The following GNAS variants were observed in gnomAD, a reference collection of about 807,000 sequenced individuals.
GNAS encodes the protein GNAS complex locus.
Under a neutral mutation model 54.5 loss-of-function variants are expected in GNAS, and 8 were observed. That is an observed-to-expected ratio of 0.15 (90% CI 0.09 to 0.26). The LOEUF is 0.26. Ranked by LOEUF, GNAS falls within the 10% of genes least tolerant of loss-of-function variation. The pLI, the probability that GNAS is intolerant of heterozygous loss-of-function variation, is 1.00. For missense variants in GNAS, 170 were observed against 529.8 expected (o/e 0.32, Z 6.67); for synonymous variants, 204 against 191.4 (o/e 1.07, Z -0.54).
intron 1 of GNAS, 124 bp from the exon 2 acceptor site, chr20:58,895,486 CTG>C (rs1568992060): frequency 5.6e-6 from 4 of 716,584 alleles, no homozygotes; most frequent in Non-Finnish European, 5.2e-6. Flanking sequence ...AGTTGCAAGT[CTG>C]TGATTTTGTG....
At chr20:58,844,112 T>C (rs2085848813) in intron 1 of GNAS, 2 of 152,194 alleles carry the variant, frequency 1.3e-5, no homozygotes, top group East Asian at 1.9e-4. Context: ...ATAATCTACA[T>C]GGATTTACCT....
At chr20:58,852,443 G>A (rs553947463) in intron 1 of GNAS, among the ~76,000 whole-genome samples, 3 of 152,334 alleles carry the variant, frequency 2.0e-5, no homozygotes, top group Admixed American at 2.0e-4. Flanking sequence ...CCCTACGCGT[G>A]CCTGCGCCCC....
At chr20:58,868,133 G>A (rs1164996163) in intron 1 of GNAS, among the ~76,000 whole-genome samples, 1 of 150,836 alleles carries the variant, frequency 6.6e-6, no homozygotes, top group Non-Finnish European at 1.5e-5. Context: ...CAATTCTCCT[G>A]CCTCAGCTTC....
intron 2 of GNAS, chr20:58,898,037 G>A (rs1363084241): frequency 1.3e-5 from 2 of 152,168 alleles, no homozygotes; most frequent in African/African-American, 4.8e-5. Flanking sequence ...AGATAATACT[G>A]ATTTGACCTT....
At chr20:58,876,618 A>G (rs1464201088) in intron 1 of GNAS, 1 of 152,188 alleles carries the variant, frequency 6.6e-6, no homozygotes, top group East Asian at 1.9e-4. Flanking sequence ...TTTATTTCAG[A>G]CACACAAGCA....
intron 2 of GNAS, among the ~76,000 whole-genome samples, chr20:58,897,120 A>AGG (rs889264224): frequency 7.9e-5 from 12 of 152,246 alleles, no homozygotes; most frequent in Non-Finnish European, 7.3e-5. Flanking sequence ...TGGGATGCAC[A>AGG]GGGGGCTTCT....
chr20:58,858,633 T>C (rs1458940844), intron 1 of GNAS, among the ~76,000 whole-genome samples: 1 of 152,220 alleles, frequency 6.6e-6, no homozygotes, highest in Non-Finnish European at 1.5e-5. Flanking sequence ...TTTATTAAAA[T>C]TGTGTAGGCA....
At chr20:58,901,691 G>A (rs191370168) in intron 3 of GNAS, among the ~76,000 whole-genome samples, 326 of 152,214 alleles carry the variant, frequency 2.1e-3, no homozygotes, top group African/African-American at 7.5e-3. Flanking sequence ...GGGGCGAGAT[G>A]GGATCCTTCA....
intron 3 of GNAS, chr20:58,899,458 G>C (rs764163949): frequency 1.9e-6 from 1 of 536,702 alleles, no homozygotes; most frequent in African/African-American, 1.9e-5. Flanking sequence ...TTTGAAAAAC[G>C]CCTTGGTACC....
intron 1 of GNAS, chr20:58,842,155 C>T (rs2085760780): frequency 2.5e-6 from 1 of 398,710 alleles, no homozygotes; most frequent in Non-Finnish European, 4.4e-6. Context: ...TGACCCAGCA[C>T]AAAAACGGCA....
At chr20:58,864,616 A>G (rs892611227) in intron 1 of GNAS, among the ~76,000 whole-genome samples, 1 of 152,198 alleles carries the variant, frequency 6.6e-6, no homozygotes, top group African/African-American at 2.4e-5. Context: ...AACAGGTGGC[A>G]CGTGTCTGTG....
rs534639188 is a variant in GNAS, at chr20:58,899,171, CAT to C, written c.257+188_257+189del. Among the ~76,000 whole-genome samples, 430 of 152,308 alleles carry C rather than the reference CAT, an allele frequency of 2.8e-3. 5 individuals carry two copies. Among genetic ancestry groups the C allele is most frequent in the African/African-American group, 9.9e-3 (410 of 41,556 alleles). ...ATTTTGGAGCAAGTAAAGTGCGTAA[CAT>C]AAATTTTTTTGGCCATGCTTAAAGT... On this transcript the variant is annotated intron_variant, in intron 3 of 12. Transcript: ENST00000371085.
In GNAS at chr20:58,863,782, C is replaced by T. The variant is rs1401579881; in HGVS notation, c.43+22896C>T. 3 of 152,628 alleles carry T rather than the reference C, an allele frequency of 2.0e-5. No homozygotes were observed. The highest frequency in any genetic ancestry group is 7.2e-5 in the African/African-American group (3 of 41,434). 9.5% of individuals were successfully genotyped at this position (152,628 alleles called of 1,614,324 possible). A position where few individuals can be genotyped will look rare whatever the true frequency, so the allele number is the denominator to read the frequency against. Reference sequence around the variant, plus strand: ...GACCACACTATCTCTCTCCTCTTTTCCATTTGAACGATTTTGCCATTCATC... The same window carrying T: ...GACCACACTATCTCTCTCCTCTTTTTCATTTGAACGATTTTGCCATTCATC... On this transcript the variant is annotated intron_variant, in intron 1 of 12. Transcript: ENST00000306090. The surrounding 1 kb of genome is among the most constrained non-coding windows in gnomAD (Gnocchi z 4.1).
intron 1 of GNAS, among the ~76,000 whole-genome samples, chr20:58,893,511 CTTAT>C (rs2089733787): frequency 6.6e-6 from 1 of 152,136 alleles, no homozygotes; most frequent in African/African-American, 2.4e-5. Context: ...AAAGGCTGTT[CTTAT>C]TTATTTTCCT....
chr20:58,873,610 A>ACTAGAGCATCTCTGTCTACTAGC lies in GNAS; in HGVS notation c.44-22002_44-22001insCTAGAGCATCTCTGTCTACTAGC. Among the ~76,000 whole-genome samples the ACTAGAGCATCTCTGTCTACTAGC allele has an allele frequency of 6.6e-6, 1 of 152,298 alleles. No individual in the cohort carries two copies. The highest frequency in any genetic ancestry group is 2.1e-4 in the South Asian group (1 of 4,822). On this transcript the variant is annotated intron_variant, in intron 1 of 12. Transcript: ENST00000306090. This position sits in a 1 kb window ranked among gnomAD's most constrained non-coding sequence, Gnocchi z 4.3. ...TTTTTGTCTGTCTAGTAGCATCTCT[A>ACTAGAGCATCTCTGTCTACTAGC]AGCTTGCAGTAGCTGCTCACGTGTC... is the stretch of plus-strand genomic sequence containing the variant.
At chr20:58,904,721 G>C (rs984626151) in intron 5 of GNAS, among the ~76,000 whole-genome samples, 2 of 152,096 alleles carry the variant, frequency 1.3e-5, no homozygotes, top group African/African-American at 4.8e-5. Context: ...GTGGTATATA[G>C]TTAGTATGGA....
At chr20:58,891,128 G>A (rs1415598979), upstream of GNAS, among the ~76,000 whole-genome samples, 1 of 148,452 alleles carries the variant, frequency 6.7e-6, no homozygotes, top group Non-Finnish European at 1.5e-5. Flanking sequence ...CCCGAGCCCG[G>A]GGGGTGGGGG....
At chr20:58,840,220 C>T (rs2085663948), upstream of GNAS, 2 of 1,611,142 alleles carry the variant, frequency 1.2e-6, no homozygotes, top group Non-Finnish European at 1.7e-6. This position sits in a 1 kb window ranked among gnomAD's most constrained non-coding sequence, Gnocchi z 6.0. Context: ...TCTCCTGCTC[C>T]ATCGCGCTCC....
upstream of GNAS, among the ~76,000 whole-genome samples, chr20:58,887,550 G>C (rs117758290): frequency 0.021 from 3,174 of 152,256 alleles, 44 homozygotes; most frequent in Middle Eastern, 0.041. Flanking sequence ...AGGTGTATCT[G>C]CACAATATTT....
Sources: allele counts gnomAD v4.1 joint callset (sites outside exome capture counted in the v4.1 genomes callset), GRCh38; gene constraint gnomAD v4.1.1; non-coding constraint Gnocchi (gnomAD v3.1); transcripts MANE v1.5; gene names NCBI Gene and HGNC (gene_info 2026-07-23, HGNC 2026-07-21).